RTN4: variants seen among roughly 807,000 people sequenced by gnomAD.
RTN4 encodes the protein reticulon-4.
Under a neutral mutation model 90.4 loss-of-function variants are expected in RTN4, and 32 were observed. The observed-to-expected ratio is 0.35, with a 90% CI of 0.27 to 0.48. The LOEUF is 0.48. Ranked by LOEUF, RTN4 falls within the 20% of genes least tolerant of loss-of-function variation. RTN4 has a pLI of 0.99. For synonymous variants in RTN4, 629 were observed against 552.5 expected (o/e 1.14, Z -1.94); for missense variants, 1,706 against 1,430.2 (o/e 1.19, Z -3.11).
chr2:55,050,081 C>A lies in RTN4; in HGVS notation c.220G>T (p.Ala74Ser). 1.4e-6 allele frequency: 2 copies of A among 1,455,924 alleles called. No individual in the cohort carries two copies. Among genetic ancestry groups the A allele is most frequent in the Non-Finnish European group, 1.8e-6 (2 of 1,109,430 alleles). 90.2% of individuals were successfully genotyped at this position (1,455,924 alleles called of 1,614,324 possible). A position where few individuals can be genotyped will look rare whatever the true frequency, so the allele number is the denominator to read the frequency against. The change falls in exon 1 of 9, where the codon GCC becomes TCC. Residue 74 changes from alanine to serine, a missense_variant. Coordinates refer to ENST00000337526, the MANE Select transcript of RTN4 (RefSeq NM_020532.5). The surrounding 1 kb of genome is among the most constrained non-coding windows in gnomAD (Gnocchi z 4.6). ...CCGAAGTCCATCAGGGGCGCGCCGG[C>A]GGCAGGGGCGGTGGGCACTGGGGCC... ...SAAPVPTAPA[A>S]GAPLMDFGND... is the part of the protein sequence containing the mutation.
intron 1 of RTN4, among the ~76,000 whole-genome samples, chr2:55,092,588 G>T (rs746485370): frequency 9.5e-4 from 144 of 152,286 alleles, no homozygotes; most frequent in Non-Finnish European, 1.5e-3. Context: ...GCAGAAAAAA[G>T]TGCTCAACAC....
At chr2:55,116,373 A>G (rs1314875000), upstream of RTN4, among the ~76,000 whole-genome samples, 2 of 152,194 alleles carry the variant, frequency 1.3e-5, no homozygotes, top group Non-Finnish European at 2.9e-5. Context: ...GATGATAAAA[A>G]TAGATATACA....
chr2:55,049,756 G>C lies in RTN4; in HGVS notation c.545C>G (p.Ser182Trp), dbSNP rs535895623. The change falls in exon 1 of 9, where the codon TCG becomes TGG. Residue 182 changes from serine to tryptophan, a missense_variant. By Grantham distance (177) the Ser-to-Trp change is radical. Transcript: ENST00000337526. ...GTCGCGGCACTCACCCACTGAGCCC[G>C]AGGAGCCCCTGCGCTTGGGCGCGGC... ...TPAAPKRRGS[S>W]GSVDETLFAL... 3 of 1,346,754 alleles carry C rather than the reference G, an allele frequency of 2.2e-6. No homozygotes were observed. Among genetic ancestry groups the C allele is most frequent in the South Asian group, 1.9e-5 (1 of 52,354 alleles). 83.4% of individuals were successfully genotyped at this position (1,346,754 alleles called of 1,614,324 possible). A position where few individuals can be genotyped will look rare whatever the true frequency, so the allele number is the denominator to read the frequency against.
intron 1 of RTN4, among the ~76,000 whole-genome samples, chr2:55,104,449 T>C (rs1229531072): frequency 6.6e-6 from 1 of 151,368 alleles, no homozygotes; most frequent in Non-Finnish European, 1.5e-5. Flanking sequence ...GCCTCCTGGG[T>C]TCATGATTCT....
chr2:55,061,066 A>ATTTT lies in RTN4; in HGVS notation c.-63+19419_-63+19422dup, dbSNP rs36001702. Reference sequence around the variant, plus strand: ...TAGTATGCATATTTTAAAAATAAGAATTTTTTTTTTTTTTTTTGAGATAGA... The same window carrying ATTTT: ...TAGTATGCATATTTTAAAAATAAGAATTTTTTTTTTTTTTTTTTTTTGAGATAGA... On this transcript the variant is annotated intron_variant, in intron 2 of 3. Transcript: ENST00000427710. Among the ~76,000 whole-genome samples the ATTTT allele has an allele frequency of 5.2e-3, 735 of 140,698 alleles. 11 individuals are homozygous for ATTTT. The highest frequency in any genetic ancestry group is 0.017 in the African/African-American group (643 of 37,396). The allele number at this position is 140,698 out of a possible 152,430, so 92.3% of individuals were successfully genotyped here. A position where few individuals can be genotyped will look rare whatever the true frequency, so the allele number is the denominator to read the frequency against.
At chr2:54,994,230 GA>G (rs1399424995) in intron 3 of RTN4, among the ~76,000 whole-genome samples, 1 of 152,144 alleles carries the variant, frequency 6.6e-6, no homozygotes, top group East Asian at 1.9e-4. Context: ...AGTTAACTTA[GA>G]AGTTTGTTCA....
chr2:55,026,750 G>T lies in RTN4; in HGVS notation c.1349C>A (p.Thr450Lys), dbSNP rs72912565. ...SSNDDTSFPS[T>K]PEGIKDRSGA... Reference sequence around the variant, plus strand: ...TGAACGATCCTTTATACCTTCTGGCGTACTGGGGAAAGAAGTATCATCATT... The same window carrying T: ...TGAACGATCCTTTATACCTTCTGGCTTACTGGGGAAAGAAGTATCATCATT... Residue 450 changes from threonine to lysine, a missense_variant, in exon 3 of 9, where the codon ACG (threonine) becomes AAG (lysine). Transcript: ENST00000337526. The T allele has an allele frequency of 3.7e-6, 6 of 1,613,738 alleles. No homozygotes were observed. The highest frequency in any genetic ancestry group is 5.1e-6 in the Non-Finnish European group (6 of 1,179,860).
rs181379348 is a variant in RTN4 at position 55,072,300 on chromosome 2, G to A, written c.-63+8189C>T. On this transcript the variant is annotated intron_variant, in intron 2 of 3. Coordinates refer to the RTN4 transcript ENST00000427710. ...GCTGGAGTGCAGTGGCGCGATCTCT[G>A]CTCACTGCAAGCTCCACCTCCCGTG... Among the ~76,000 whole-genome samples the A allele has an allele frequency of 2.4e-3, 362 of 151,834 alleles. 5 individuals carry two copies. The highest frequency in any genetic ancestry group is 8.3e-3 in the African/African-American group (344 of 41,402).
intron 1 of RTN4, among the ~76,000 whole-genome samples, chr2:55,081,634 A>G (rs1309464869): frequency 6.6e-6 from 1 of 152,108 alleles, no homozygotes; most frequent in African/African-American, 2.4e-5. Flanking sequence ...AGGCCAAGGC[A>G]GGAAGATTGC....
chr2:54,973,534 T>C (rs372412860), intron 8 of RTN4, 29 bp downstream of exon 8: 15 of 1,542,108 alleles, frequency 9.7e-6, no homozygotes, highest in Middle Eastern at 1.7e-4. Flanking sequence ...CTTATCCTAG[T>C]AAAAACACTG....
At chr2:55,022,264 C>A (rs1403279161) in intron 3 of RTN4, among the ~76,000 whole-genome samples, 1 of 152,154 alleles carries the variant, frequency 6.6e-6, no homozygotes, top group Non-Finnish European at 1.5e-5. Flanking sequence ...ACCCAGTCAT[C>A]ACCAAGCTGC....
rs1009016714 is a variant in RTN4, at chr2:55,027,208, G to A, written c.891C>T (p.Tyr297=). ...RDLTEFSELE[Y]SEMGSSFSVS... is the part of the protein sequence containing the mutation. Reference sequence around the variant, plus strand: ...CACTGAACGATGATCCCATTTCTGAGTATTCTAATTCTGAAAACTCTGTTA... The same window carrying A: ...CACTGAACGATGATCCCATTTCTGAATATTCTAATTCTGAAAACTCTGTTA... The change falls in exon 3 of 9, where the codon TAC becomes TAT. Residue 297 remains tyrosine, a synonymous_variant. Transcript: ENST00000337526. The A allele has an allele frequency of 4.3e-6, 7 of 1,613,670 alleles. No homozygotes were observed. Among genetic ancestry groups the A allele is most frequent in the Non-Finnish European group, 5.9e-6 (7 of 1,179,792 alleles).
intron 1 of RTN4, among the ~76,000 whole-genome samples, chr2:55,110,146 C>T (rs940974067): frequency 2.0e-5 from 3 of 151,358 alleles, no homozygotes; most frequent in South Asian, 2.1e-4. Context: ...CCATCTCTAC[C>T]CAAAAAATAC....
intron 3 of RTN4, among the ~76,000 whole-genome samples, chr2:55,011,255 G>A (rs899607776): frequency 2.0e-5 from 3 of 151,948 alleles, no homozygotes; most frequent in Admixed American, 6.6e-5. Flanking sequence ...ACAAACTCCT[G>A]GGCTCAAGCA....
chr2:55,102,300 G>T (rs1298187610), intron 1 of RTN4, among the ~76,000 whole-genome samples: 2 of 152,024 alleles, frequency 1.3e-5, no homozygotes, highest in African/African-American at 4.8e-5. Flanking sequence ...ACTACTTTAG[G>T]CCAGGGGGTA....
intron 5 of RTN4, among the ~76,000 whole-genome samples, chr2:54,979,261 T>C (rs1185879029): frequency 6.6e-6 from 1 of 151,994 alleles, no homozygotes; most frequent in African/African-American, 2.4e-5. Flanking sequence ...TCTCACAATG[T>C]TGCCTAGGCT....
In RTN4 at chr2:55,102,735, C is replaced by G. The variant is rs190907317; in HGVS notation, c.-214+9785G>C. On this transcript the variant is annotated intron_variant, in intron 1 of 3. Coordinates refer to the RTN4 transcript ENST00000427710. ...AGGAGAATCCAAGAGATTTATAAAACAAAACTCTATAGATTTTCTAAAAAC... is the reference window on the plus strand; with the variant it reads ...AGGAGAATCCAAGAGATTTATAAAAGAAAACTCTATAGATTTTCTAAAAAC... 1.4e-3 allele frequency among the ~76,000 whole-genome samples: 220 copies of G among 152,112 alleles called. 2 individuals are homozygous for G. The highest frequency in any genetic ancestry group is 3.1e-4 in the Non-Finnish European group (21 of 68,006).
intron 1 of RTN4, among the ~76,000 whole-genome samples, chr2:55,096,916 A>C (rs1422637570): frequency 2.0e-5 from 3 of 151,986 alleles, no homozygotes; most frequent in African/African-American, 7.3e-5. Flanking sequence ...AGTCATTGTA[A>C]ATGGATAATT....
intron 2 of RTN4, chr2:55,056,642 A>C (rs1424673487): frequency 1.3e-5 from 2 of 152,148 alleles, no homozygotes; most frequent in Non-Finnish European, 2.9e-5. Context: ...TTCAAAAAAA[A>C]AAAAGTCAGG....
Sources: allele counts gnomAD v4.1 joint callset (sites outside exome capture counted in the v4.1 genomes callset), GRCh38; gene constraint gnomAD v4.1.1; non-coding constraint Gnocchi (gnomAD v3.1); transcripts MANE v1.5; gene names NCBI Gene and HGNC (gene_info 2026-07-23, HGNC 2026-07-21).